TLR6: variants seen among roughly 807,000 people sequenced by gnomAD.
The protein encoded by TLR6 is toll like receptor 6.
Under a neutral mutation model 16.1 loss-of-function variants are expected in TLR6, and 9 were observed. That is an observed-to-expected ratio of 0.56 (90% CI 0.34 to 0.98). TLR6 has a LOEUF of 0.98. TLR6 is among the 50% of genes least tolerant of loss of function. The pLI is 0.02. For synonymous variants in TLR6, 340 were observed against 338.6 expected, an observed-to-expected ratio of 1.00 and a Z score of -0.04; for missense variants, 786 against 921.0, an observed-to-expected ratio of 0.85 and a Z score of 1.90.
exon 2 of TLR6, chr4:38,829,124 C>T: frequency 6.2e-7 from 1 of 1,614,030 alleles, no homozygotes; most frequent in Non-Finnish European, 8.5e-7. Flanking sequence ...AATAGGATGG[C>T]AGGATATCTT....
rs1560262662 is a variant in TLR6, at chr4:38,828,629, T to C, written c.845A>G (p.Asn282Ser). 4 of 1,614,038 alleles carry C rather than the reference T, an allele frequency of 2.5e-6. No homozygotes were observed. The East Asian group carries it at 6.7e-5, about 27-fold the overall frequency. The change falls in exon 2 of 2, where the codon AAT becomes AGT. Residue 282 changes from asparagine (N) to serine (S), a missense_variant. Asn to Ser is a conservative substitution (Grantham distance 46). Transcript: ENST00000436693. ...TTCAATTATTGTTAAATTGTAAATA[T>C]TGAGATATTCCACAGGTTTGGGCCA...
chr4:38,858,485 C>T (rs151067434), upstream of TLR6, among the ~76,000 whole-genome samples: 32,016 of 151,794 alleles, frequency 0.21, 4,501 homozygotes, highest in Non-Finnish European at 0.31. Context: ...TTCGGGAGGC[C>T]GAGGTGGGTA....
intron 1 of TLR6, among the ~76,000 whole-genome samples, chr4:38,836,153 A>T (rs1394216733): frequency 6.6e-6 from 1 of 152,124 alleles, no homozygotes; most frequent in Non-Finnish European, 1.5e-5. Context: ...AACAAAAGAG[A>T]TATTTAAAAA....
intron 1 of TLR6, among the ~76,000 whole-genome samples, chr4:38,835,914 C>A (rs1711891012): frequency 6.6e-6 from 1 of 151,948 alleles, no homozygotes; most frequent in African/African-American, 2.4e-5. Context: ...AAAAAAGTTT[C>A]TTGAAAAAAA....
At chr4:38,834,349 CG>C (rs200067244) in intron 1 of TLR6, among the ~76,000 whole-genome samples, 6 of 114,642 alleles carry the variant, frequency 5.2e-5, no homozygotes, top group African/African-American at 1.9e-4. Context: ...CCCAGTGAGG[CG>C]AAAAAAAAAA....
intron 1 of TLR6, among the ~76,000 whole-genome samples, chr4:38,834,790 A>G (rs1026695742): frequency 6.6e-6 from 1 of 152,212 alleles, no homozygotes; most frequent in Non-Finnish European, 1.5e-5. Flanking sequence ...ATACCCATCA[A>G]AGCTGTCCTT....
At chr4:38,829,532 C>T in exon 2 of TLR6, 2 of 987,000 alleles carry the variant, frequency 2.0e-6, no homozygotes, top group Admixed American at 4.4e-5. Context: ...GATATGAGTC[C>T]AAATTCTAGA....
chr4:38,864,693 A>G, the TLR6 span, among the ~76,000 whole-genome samples: 1 of 152,220 alleles, frequency 6.6e-6, no homozygotes, highest in Non-Finnish European at 1.5e-5. Context: ...GTGGGTGAGG[A>G]CATATGCAGC....
chr4:38,845,686 A>C (rs1392331240), intron 1 of TLR6, among the ~76,000 whole-genome samples: 1 of 152,206 alleles, frequency 6.6e-6, no homozygotes, highest in African/African-American at 2.4e-5. Flanking sequence ...CCTTGATTTT[A>C]GCCAACAAGA....
intron 1 of TLR6, chr4:38,843,727 T>G (rs1044860209): frequency 6.6e-6 from 1 of 152,182 alleles, no homozygotes; most frequent in Non-Finnish European, 1.5e-5. Flanking sequence ...TCCATATAAC[T>G]TCTCCCAACT....
intron 1 of TLR6, among the ~76,000 whole-genome samples, chr4:38,835,885 A>G (rs1263804450): frequency 2.0e-5 from 3 of 152,216 alleles, no homozygotes; most frequent in Non-Finnish European, 2.9e-5. Flanking sequence ...TGGGTGAATG[A>G]AGAAATTAAA....
intron 1 of TLR6, among the ~76,000 whole-genome samples, chr4:38,837,340 G>A (rs531291778): frequency 1.3e-5 from 2 of 152,270 alleles, no homozygotes; most frequent in African/African-American, 4.8e-5. Flanking sequence ...AAACGATACT[G>A]CAAAGCAAAA....
chr4:38,828,736 GGTGAGTTCTGA>G lies in TLR6; in HGVS notation c.727_737del (p.Ser243GlnfsTer44). 5 of 1,613,826 alleles carry G rather than the reference GGTGAGTTCTGA, an allele frequency of 3.1e-6. No homozygotes were observed. Among genetic ancestry groups the G allele is most frequent in the Non-Finnish European group, 3.4e-6 (4 of 1,179,882 alleles). ...TAAAATTCAGTAAGGTTGAACCTCT[GGTGAGTTCTGA>G]TAAAAATTTAATGAAAACTTGACAG... On this transcript the variant is annotated frameshift_variant, in exon 2 of 2. Coordinates refer to ENST00000436693, the Ensembl canonical transcript of TLR6. LOFTEE classifies it low-confidence loss of function (END_TRUNC).
chr4:38,835,711 T>C (rs1479078540), intron 1 of TLR6, among the ~76,000 whole-genome samples: 1 of 152,194 alleles, frequency 6.6e-6, no homozygotes, highest in Non-Finnish European at 1.5e-5. Context: ...GAATAGACCA[T>C]ATCTTAGGCC....
chr4:38,829,420 C>A, exon 2 of TLR6: 1 of 1,613,820 alleles, frequency 6.2e-7, no homozygotes, highest in South Asian at 1.1e-5. Context: ...CTATTATGAT[C>A]ATAAGGCAAA....
At chr4:38,842,940 A>G (rs527832473) in intron 1 of TLR6, among the ~76,000 whole-genome samples, 87 of 152,238 alleles carry the variant, frequency 5.7e-4, no homozygotes, top group African/African-American at 2.1e-3. Flanking sequence ...TCCAACCAAC[A>G]TTAGACTGCA....
the TLR6 span, chr4:38,868,070 TGA>T: frequency 3.6e-5 from 15 of 413,008 alleles, no homozygotes; most frequent in East Asian, 1.9e-4. Context: ...TGTGTGTGTG[TGA>T]GTGTGTGTCG....
At chr4:38,868,182 G>C in the TLR6 span, 1 of 212,290 alleles carries the variant, frequency 4.7e-6, no homozygotes, top group African/African-American at 2.3e-5. Context: ...ATCTCCCAAA[G>C]TATCCAGTCC....
At chr4:38,858,887 GAGAGAA>G (rs1295657298), upstream of TLR6, among the ~76,000 whole-genome samples, 7 of 44,972 alleles carry the variant, frequency 1.6e-4, no homozygotes, top group East Asian at 2.2e-3. Flanking sequence ...AAGAAAGAAA[GAGAGAA>G]AGAAAGAAAG....
Sources: gnomAD v4.1 joint callset for allele counts (sites outside exome capture counted in the v4.1 genomes callset) on GRCh38, gnomAD v4.1.1 for gene constraint, MANE v1.5 for transcripts, NCBI Gene and HGNC (gene_info 2026-07-23, HGNC 2026-07-21) for gene names.